Variants in PEX3 observed in about 807,000 individuals in gnomAD.
PEX3 encodes peroxisomal biogenesis factor 3.
In PEX3, 30 loss-of-function variants were observed where a neutral mutation model predicts 55.8. The observed-to-expected ratio is 0.54, with a 90% CI of 0.40 to 0.73. PEX3 has a LOEUF of 0.73. PEX3 is among the 30% of genes least tolerant of loss of function. The pLI is 0.00. For missense variants in PEX3, 351 were observed against 432.8 expected, an observed-to-expected ratio of 0.81 and a Z score of 1.68; for synonymous variants, 135 against 148.4, an observed-to-expected ratio of 0.91 and a Z score of 0.66.
chr6:143,489,452 A>G lies in PEX3; in HGVS notation c.*226A>G, dbSNP rs1403664075. 2.9e-6 allele frequency: 1 copy of G among 345,454 alleles called. No individual in the cohort carries two copies. Among genetic ancestry groups the G allele is most frequent in the African/African-American group, 2.1e-5 (1 of 47,066 alleles). The allele number at this position is 345,454 out of a possible 1,614,324, so 21.4% of individuals were successfully genotyped here. ...TGGGCATATATATATACACGTGCAAATATCAGAATTGTTAATAATTTGTTA... is the reference window on the plus strand; with the variant it reads ...TGGGCATATATATATACACGTGCAAGTATCAGAATTGTTAATAATTTGTTA... On this transcript the variant is annotated 3_prime_UTR_variant, in exon 12 of 12. Transcript: ENST00000367591. This position sits in a 1 kb window ranked among gnomAD's most constrained non-coding sequence, Gnocchi z 5.5.
chr6:143,469,716 A>G (rs1780044075), intron 4 of PEX3, among the ~76,000 whole-genome samples: 1 of 152,052 alleles, frequency 6.6e-6, no homozygotes, highest in Non-Finnish European at 1.5e-5. Flanking sequence ...TTTTGTTGCC[A>G]TTGCTTTTGG....
chr6:143,455,903 CTT>C, intron 1 of PEX3, among the ~76,000 whole-genome samples: 1 of 152,172 alleles, frequency 6.6e-6, no homozygotes, highest in East Asian at 1.9e-4. Context: ...TATTTTCAAA[CTT>C]TTTTTGAAAT....
chr6:143,455,164 TG>T (rs1226048357), intron 1 of PEX3, among the ~76,000 whole-genome samples: 1 of 141,758 alleles, frequency 7.1e-6, no homozygotes, highest in Non-Finnish European at 1.5e-5. Flanking sequence ...ATAAGACATT[TG>T]GGGGTATTTT....
Position 143,489,311 on chromosome 6 carries a change from T to G in PEX3, c.*85T>G, listed in dbSNP as rs935693157. 1.3e-6 allele frequency: 1 copy of G among 785,592 alleles called. No individual in the cohort carries two copies. Among genetic ancestry groups the G allele is most frequent in the Non-Finnish European group, 2.3e-6 (1 of 434,460 alleles). The allele number at this position is 785,592 out of a possible 1,614,324, so 48.7% of individuals were successfully genotyped here. A position where few individuals can be genotyped will look rare whatever the true frequency, so the allele number is the denominator to read the frequency against. ...ATCACCTATACTTAGAGTAACAGTT[T>G]GTTATCAAAATGCCTGATAAAATAT... is the stretch of plus-strand genomic sequence containing the variant. On this transcript the variant is annotated 3_prime_UTR_variant, in exon 12 of 12. Transcript: ENST00000367591. This position sits in a 1 kb window ranked among gnomAD's most constrained non-coding sequence, Gnocchi z 5.5.
At position 143,488,069 on chromosome 6, in the gene PEX3, CTA is replaced by C. The variant is rs1249234631; in HGVS notation, c.1039-1072_1039-1071del. ...TGGTTTGAGAAACATTGATCTAAAC[CTA>C]TGTTTCATTGAACACCTAGACTGAA... is the stretch of plus-strand genomic sequence containing the variant. On this transcript the variant is annotated intron_variant, in intron 11 of 11. Transcript: ENST00000367591. The surrounding 1 kb of genome is among the most constrained non-coding windows in gnomAD (Gnocchi z 4.9). Among the ~76,000 whole-genome samples, 1 of 152,030 alleles carries C rather than the reference CTA, an allele frequency of 6.6e-6. No homozygotes were observed. The highest frequency in any genetic ancestry group is 1.5e-5 in the Non-Finnish European group (1 of 67,978).
rs967891285 is a variant in PEX3 at position 143,451,548 on chromosome 6, A to G, written c.73+433A>G. 1.1e-4 allele frequency among the ~76,000 whole-genome samples: 17 copies of G among 152,340 alleles called. No individual in the cohort carries two copies. The highest frequency in any genetic ancestry group is 1.9e-4 in the East Asian group (1 of 5,188). ...TCTAGGGAAGTTACCTATAGGCTGC[A>G]CTTCGGGTGGTGGTTAAAGTCGATT... On this transcript the variant is annotated intron_variant, in intron 1 of 11. Coordinates refer to ENST00000367591, the MANE Select transcript of PEX3 (RefSeq NM_003630.3). The surrounding 1 kb of genome is among the most constrained non-coding windows in gnomAD (Gnocchi z 4.1).
At chr6:143,455,942 G>A (rs1779839743) in intron 1 of PEX3, among the ~76,000 whole-genome samples, 1 of 152,186 alleles carries the variant, frequency 6.6e-6, no homozygotes, top group Admixed American at 6.5e-5. Context: ...TAGTTGCATT[G>A]TAGGGATTTT....
rs1178785341 is a variant in PEX3, at chr6:143,462,374, A to C, written c.206-542A>C. Among the ~76,000 whole-genome samples the C allele has an allele frequency of 1.3e-5, 2 of 152,224 alleles. No individual in the cohort carries two copies. The highest frequency in any genetic ancestry group is 2.9e-5 in the Non-Finnish European group (2 of 68,040). ...AGTAACAAATAATACCCACTGACAA[A>C]ACTAAAACTCAGCAACTCTTAGTTC... is the stretch of plus-strand genomic sequence containing the variant. On this transcript the variant is annotated intron_variant, in intron 2 of 11. Transcript: ENST00000367591. This position sits in a 1 kb window ranked among gnomAD's most constrained non-coding sequence, Gnocchi z 4.1.
At chr6:143,481,678 G>A (rs1198974359) in intron 10 of PEX3, among the ~76,000 whole-genome samples, 3 of 151,818 alleles carry the variant, frequency 2.0e-5, no homozygotes, top group Non-Finnish European at 4.4e-5. Flanking sequence ...CATTTATTAT[G>A]GATAAAACCT....
chr6:143,478,393 C>A (rs1288101676), intron 9 of PEX3, among the ~76,000 whole-genome samples: 1 of 151,962 alleles, frequency 6.6e-6, no homozygotes, highest in African/African-American at 2.4e-5. Context: ...GAATTTTATG[C>A]CCTCTAAGTC....
rs1216770976 is a variant in PEX3 at position 143,465,098 on chromosome 6, A to G, written c.287+2101A>G. Among the ~76,000 whole-genome samples, 2 of 152,006 alleles carry G rather than the reference A, an allele frequency of 1.3e-5. No individual in the cohort carries two copies. ...AAGAGAAGTAGAACACTTCGAAAAG[A>G]TTCGTTTAATTCTCTTTACTTTTTA... On this transcript the variant is annotated intron_variant, in intron 3 of 11. Transcript: ENST00000367591. The surrounding 1 kb of genome is among the most constrained non-coding windows in gnomAD (Gnocchi z 4.7).
chr6:143,485,160 G>A lies in PEX3; in HGVS notation c.950G>A (p.Ser317Asn). The A allele has an allele frequency of 6.3e-7, 1 of 1,588,156 alleles. No individual in the cohort carries two copies. ...CTGTAATGATTTTTCAGTCTTTCCA[G>A]TGTCAGCCTGCCTTTAGCTAAGATA... ...QHGNSMNSLS[S>N]VSLPLAKIIP... The change falls in exon 11 of 12, where the codon AGT becomes AAT. Residue 317 changes from serine to asparagine, a missense_variant. Physicochemically the swap from Ser to Asn is conservative, Grantham distance 46. Coordinates refer to ENST00000367591, the MANE Select transcript of PEX3 (RefSeq NM_003630.3). This position sits in a 1 kb window ranked among gnomAD's most constrained non-coding sequence, Gnocchi z 5.6.
Position 143,464,384 on chromosome 6 carries a change from T to C in PEX3, c.287+1387T>C, listed in dbSNP as rs1003868490. 6.6e-6 allele frequency among the ~76,000 whole-genome samples: 1 copy of C among 152,046 alleles called. No homozygotes were observed. The highest frequency in any genetic ancestry group is 1.5e-5 in the Non-Finnish European group (1 of 67,916). On this transcript the variant is annotated intron_variant, in intron 3 of 11. Transcript: ENST00000367591. This position sits in a 1 kb window ranked among gnomAD's most constrained non-coding sequence, Gnocchi z 5.8. ...GGGATTTAATAGTTAAGATCAAGTCTCTTTAAGACCTTTTCATCCAAAGGA... is the reference window on the plus strand; with the variant it reads ...GGGATTTAATAGTTAAGATCAAGTCCCTTTAAGACCTTTTCATCCAAAGGA...
At chr6:143,484,105 T>C (rs1175106989) in intron 10 of PEX3, among the ~76,000 whole-genome samples, 1 of 152,118 alleles carries the variant, frequency 6.6e-6, no homozygotes. Context: ...AGTGTAGCCC[T>C]AGGTTGAAAT....
rs1361803825 is a variant in PEX3 at position 143,488,056 on chromosome 6, C to A, written c.1039-1087C>A. 2.6e-5 allele frequency among the ~76,000 whole-genome samples: 4 copies of A among 152,040 alleles called. No individual in the cohort carries two copies. Among genetic ancestry groups the A allele is most frequent in the Non-Finnish European group, 4.4e-5 (3 of 67,978 alleles). On this transcript the variant is annotated intron_variant, in intron 11 of 11. Coordinates refer to ENST00000367591, the MANE Select transcript of PEX3 (RefSeq NM_003630.3). The surrounding 1 kb of genome is among the most constrained non-coding windows in gnomAD (Gnocchi z 4.9). ...TGTCTGTAAATTCTGGTTTGAGAAA[C>A]ATTGATCTAAACCTATGTTTCATTG...
At chr6:143,455,639 A>G (rs1425790456) in intron 1 of PEX3, among the ~76,000 whole-genome samples, 1 of 152,168 alleles carries the variant, frequency 6.6e-6, no homozygotes, top group Non-Finnish European at 1.5e-5. Context: ...AAGGATTCTA[A>G]AAACATGAGT....
At chr6:143,468,083 T>G in intron 3 of PEX3, 39 bp from the exon 4 acceptor site, 2 of 1,072,272 alleles carry the variant, frequency 1.9e-6, no homozygotes, top group Non-Finnish European at 2.8e-6. Flanking sequence ...TTAGATTATC[T>G]AGATTATTAT....
In PEX3 at chr6:143,471,279, G is replaced by T. The variant is rs568353323; in HGVS notation, c.457-104G>T. 38 of 1,105,208 alleles carry T rather than the reference G, an allele frequency of 3.4e-5. No individual in the cohort carries two copies. Among genetic ancestry groups the T allele is most frequent in the Non-Finnish European group, 4.6e-5 (34 of 734,102 alleles). The allele number at this position is 1,105,208 out of a possible 1,614,324, so 68.5% of individuals were successfully genotyped here. ...TGTGTTAAAAATTACTATTTTTCCC[G>T]TCATTTCAGATCTTGAAAAATCTCA... On this transcript the variant is annotated intron_variant, in intron 5 of 11. Transcript: ENST00000367591. The surrounding 1 kb of genome is among the most constrained non-coding windows in gnomAD (Gnocchi z 5.4).
chr6:143,485,123 A>G lies in PEX3; in HGVS notation c.942-29A>G, dbSNP rs755215299. The G allele has an allele frequency of 2.5e-6, 3 of 1,205,254 alleles. No individual in the cohort carries two copies. Among genetic ancestry groups the G allele is most frequent in the Non-Finnish European group, 3.7e-6 (3 of 807,080 alleles). The allele number at this position is 1,205,254 out of a possible 1,614,324, so 74.7% of individuals were successfully genotyped here. ...TAAAGTCCTGTGGGGTCATTTCAGA[A>G]AATAATCATTACTGTAATGATTTTT... On this transcript the variant is annotated intron_variant, in intron 10 of 11. Transcript: ENST00000367591. The surrounding 1 kb of genome is among the most constrained non-coding windows in gnomAD (Gnocchi z 5.6).
Sources: allele counts gnomAD v4.1 joint callset (sites outside exome capture counted in the v4.1 genomes callset), GRCh38; gene constraint gnomAD v4.1.1; non-coding constraint Gnocchi (gnomAD v3.1); transcripts MANE v1.5; gene names NCBI Gene and HGNC (gene_info 2026-07-23, HGNC 2026-07-21).